SEMA6D: variants seen among roughly 807,000 people sequenced by gnomAD.
SEMA6D encodes semaphorin 6D, also known as semaphorin-6D.
SEMA6D carries 35 observed loss-of-function variants against 106.6 expected under a neutral mutation model. That is an observed-to-expected ratio of 0.33 (90% confidence interval 0.25 to 0.44). The LOEUF (loss-of-function observed/expected upper bound fraction) is 0.44. Ranked by LOEUF, SEMA6D falls within the 20% of genes least tolerant of loss-of-function variation. The probability of loss-of-function intolerance (pLI) is 1.00; values close to 1 mark genes in which losing one functional copy is unlikely to be tolerated. For synonymous variants in SEMA6D, 499 were observed against 487.7 expected, an observed-to-expected ratio of 1.02 and a Z score of -0.31; for missense variants, 1,185 against 1,345.9, an observed-to-expected ratio of 0.88 and a Z score of 1.87.
chr15:47,418,290 G>A (rs540706739), intron 2 of SEMA6D, among the ~76,000 whole-genome samples: 2 of 152,248 alleles, frequency 1.3e-5, no homozygotes, highest in African/African-American at 4.8e-5. Context: ...AGGCTATTCA[G>A]TCTGAATCAT....
intron 1 of SEMA6D, among the ~76,000 whole-genome samples, chr15:47,387,191 C>T (rs1383941397): frequency 6.6e-6 from 1 of 152,180 alleles, no homozygotes; most frequent in Non-Finnish European, 1.5e-5. Flanking sequence ...CAGTAAATTC[C>T]AAAGCATATC....
At position 47,315,683 on chromosome 15, in the gene SEMA6D, T is replaced by C. The variant is rs184719048; in HGVS notation, c.-238-96710T>C. ...TTTGTGTTTAATCTGTAGATCAAGT[T>C]GGGAATAACTGACATCTTGATAATA... On this transcript the variant is annotated intron_variant, in intron 1 of 19. Coordinates refer to the SEMA6D transcript ENST00000558014. Among the ~76,000 whole-genome samples, 237 of 152,342 alleles carry C rather than the reference T, an allele frequency of 1.6e-3. 4 individuals carry two copies. The highest frequency in any genetic ancestry group is 3.4e-3 in the Middle Eastern group (1 of 294).
intron 2 of SEMA6D, among the ~76,000 whole-genome samples, chr15:47,444,213 CA>C (rs1169525536): frequency 6.6e-6 from 1 of 152,162 alleles, no homozygotes; most frequent in African/African-American, 2.4e-5. Flanking sequence ...CATGCACATA[CA>C]CACCCACACA....
At chr15:47,746,006 C>G (rs1432773712) in intron 1 of SEMA6D, among the ~76,000 whole-genome samples, 2 of 152,144 alleles carry the variant, frequency 1.3e-5, no homozygotes, top group African/African-American at 2.4e-5. Context: ...TGCTCTAAAT[C>G]TTTCTGAGCA....
intron 2 of SEMA6D, among the ~76,000 whole-genome samples, chr15:47,464,014 C>A (rs984704812): frequency 6.6e-6 from 1 of 152,130 alleles, no homozygotes; most frequent in East Asian, 1.9e-4. Context: ...ACATGATTGC[C>A]TTTAGGGCCC....
intron 1 of SEMA6D, among the ~76,000 whole-genome samples, chr15:47,267,877 C>CT (rs2034393374): frequency 6.6e-6 from 1 of 151,936 alleles, no homozygotes; most frequent in East Asian, 1.9e-4. Context: ...CGTTACTTAT[C>CT]TTTTTTTGTT....
intron 1 of SEMA6D, among the ~76,000 whole-genome samples, chr15:47,269,476 T>A (rs2034462695): frequency 6.6e-6 from 1 of 152,140 alleles, no homozygotes; most frequent in Non-Finnish European, 1.5e-5. Context: ...AATTAATATA[T>A]CAATATACAA....
chr15:47,460,697 C>T (rs866121598), intron 2 of SEMA6D, among the ~76,000 whole-genome samples: 1 of 152,122 alleles, frequency 6.6e-6, no homozygotes, highest in African/African-American at 2.4e-5. Context: ...AAACATATTG[C>T]AAAAATTTCC....
At chr15:47,574,308 C>G (rs1312185898) in intron 3 of SEMA6D, among the ~76,000 whole-genome samples, 4 of 152,172 alleles carry the variant, frequency 2.6e-5, no homozygotes, top group African/African-American at 9.7e-5. Flanking sequence ...TTGTCCTCAT[C>G]CAGTTATGAC....
intron 1 of SEMA6D, among the ~76,000 whole-genome samples, chr15:47,365,765 G>A (rs1176079828): frequency 6.6e-6 from 1 of 151,962 alleles, no homozygotes; most frequent in East Asian, 1.9e-4. Context: ...GGAGGCTGAG[G>A]TAGGAGAATT....
In SEMA6D at chr15:47,763,902, A is replaced by C; in HGVS notation, c.800A>C (p.Gln267Pro). The change falls in exon 10 of 19, where the codon CAG becomes CCG. Residue 267 changes from glutamine to proline, a missense_variant. Around this residue, in one of 3 missense-constraint regions of SEMA6D, gnomAD observed 291 missense variants for 423.8 expected, o/e 0.69. Coordinates refer to ENST00000536845, the MANE Select transcript of SEMA6D (RefSeq NM_001358351.3). ...RICKNDMGGS[Q>P]RVLEKHWTSF... ...TGTAAAAACGACATGGGTGGTTCCC[A>C]GCGGGTCCTGGAGAAACACTGGACT... 6.2e-7 allele frequency: 1 copy of C among 1,613,858 alleles called. No homozygotes were observed. Among genetic ancestry groups the C allele is most frequent in the Non-Finnish European group, 8.5e-7 (1 of 1,179,870 alleles).
chr15:47,544,556 C>A (rs2045458220), intron 3 of SEMA6D, among the ~76,000 whole-genome samples: 1 of 152,048 alleles, frequency 6.6e-6, no homozygotes, highest in African/African-American at 2.4e-5. Flanking sequence ...CACTGTAACC[C>A]ATTAACCTCT....
intron 3 of SEMA6D, among the ~76,000 whole-genome samples, chr15:47,587,198 G>C (rs1465383996): frequency 6.6e-6 from 1 of 151,936 alleles, no homozygotes; most frequent in Non-Finnish European, 1.5e-5. Flanking sequence ...GAGTGCAGGA[G>C]GGCCCTGCAA....
intron 1 of SEMA6D, among the ~76,000 whole-genome samples, chr15:47,722,074 G>A (rs1039914705): frequency 9.9e-5 from 15 of 152,074 alleles, no homozygotes; most frequent in African/African-American, 3.6e-4. Flanking sequence ...CCTGTCCCAG[G>A]CCCCTCATCC....
chr15:47,423,046 G>A (rs2140431735), intron 2 of SEMA6D, among the ~76,000 whole-genome samples: 1 of 152,168 alleles, frequency 6.6e-6, no homozygotes, highest in East Asian at 1.9e-4. Context: ...GGCAAGGCTT[G>A]GCCTTTTGCT....
At chr15:47,538,332 T>C (rs1566868975) in intron 3 of SEMA6D, among the ~76,000 whole-genome samples, 2 of 152,116 alleles carry the variant, frequency 1.3e-5, no homozygotes, top group Non-Finnish European at 2.9e-5. Flanking sequence ...TTTGAAGAAG[T>C]TGGGTGTTGA....
At position 47,301,761 on chromosome 15, in the gene SEMA6D, A is replaced by G. The variant is rs1024006115; in HGVS notation, c.-238-110632A>G. Among the ~76,000 whole-genome samples the G allele has an allele frequency of 3.9e-5, 6 of 152,330 alleles. No individual in the cohort carries two copies. The East Asian group carries it at 5.8e-4, about 15-fold the overall frequency. On this transcript the variant is annotated intron_variant, in intron 1 of 19. Coordinates refer to the SEMA6D transcript ENST00000558014. ...CGAGACGGGCAGTGACCATAGGGCA[A>G]TTCTCTTAAAAATAGCTCCAGGGTT...
chr15:47,701,570 C>G (rs977091049), intron 4 of SEMA6D, among the ~76,000 whole-genome samples: 3 of 152,110 alleles, frequency 2.0e-5, no homozygotes, highest in Non-Finnish European at 4.4e-5. Flanking sequence ...TTAGTAAGCT[C>G]AATTTAACCA....
chr15:47,482,660 G>C (rs1192800579), intron 3 of SEMA6D, among the ~76,000 whole-genome samples: 4 of 152,260 alleles, frequency 2.6e-5, no homozygotes, highest in Non-Finnish European at 5.9e-5. Flanking sequence ...CATAGGGTAT[G>C]AGGAAAAATG....
Sources: gnomAD v4.1 joint callset for allele counts (sites outside exome capture counted in the v4.1 genomes callset) on GRCh38, gnomAD v4.1.1 for gene constraint, gnomAD v4.1.1 regional missense constraint, MANE v1.5 for transcripts, NCBI Gene and HGNC (gene_info 2026-07-23, HGNC 2026-07-21) for gene names.